The following TMEM154 variants were observed in gnomAD, a reference collection of about 807,000 sequenced individuals.
TMEM154 encodes transmembrane protein 154.
A neutral mutation model predicts 24.5 loss-of-function variants in TMEM154; 27 were observed. The observed-to-expected ratio is 1.10, with a 90% CI of 0.81 to 1.52. TMEM154 has a LOEUF of 1.52. Ranked by LOEUF, TMEM154 falls within the 40% of genes most tolerant of loss-of-function variation. The pLI is 0.00. For missense variants in TMEM154, 228 were observed against 213.4 expected (o/e 1.07, Z -0.43); for synonymous variants, 67 against 76.8 (o/e 0.87, Z 0.67).
rs1215129380 is a variant in TMEM154 at position 152,661,884 on chromosome 4, T to C, written c.65-8957A>G. ...CAGAAGTAACCACCGTTTCTGCTCC[T>C]TTGAGAGAAACTCTATGCATATACA... is the stretch of plus-strand genomic sequence containing the variant. On this transcript the variant is annotated intron_variant, in intron 1 of 6. Coordinates refer to ENST00000304385, the MANE Select transcript of TMEM154 (RefSeq NM_152680.3). Among the ~76,000 whole-genome samples, 7 of 152,346 alleles carry C rather than the reference T, an allele frequency of 4.6e-5. No individual in the cohort carries two copies. The East Asian group carries it at 9.6e-4, about 21-fold the overall frequency.
chr4:152,662,670 T>C (rs555113102), intron 1 of TMEM154, among the ~76,000 whole-genome samples: 34 of 152,266 alleles, frequency 2.2e-4, no homozygotes, highest in African/African-American at 7.7e-4. Flanking sequence ...CTTAATGCAG[T>C]GGACATGGGG....
chr4:152,677,374 A>G (rs1728971629), intron 1 of TMEM154, among the ~76,000 whole-genome samples: 1 of 152,236 alleles, frequency 6.6e-6, no homozygotes, highest in African/African-American at 2.4e-5. Flanking sequence ...ATCTCAGAGT[A>G]TACTCACAAA....
Position 152,640,492 on chromosome 4 carries a change from A to C in TMEM154, c.536+436T>G, listed in dbSNP as rs544533610. Among the ~76,000 whole-genome samples the C allele has an allele frequency of 9.2e-5, 14 of 152,326 alleles. 1 individual carries two copies. The South Asian group carries it at 2.5e-3, about 27-fold the overall frequency. On this transcript the variant is annotated intron_variant, in intron 6 of 6. Transcript: ENST00000304385. ...CTATCAACCAGAGCCACCTAGTGGT[A>C]AAATGGAACATTTTTTAAAAATTCC...
At position 152,674,728 on chromosome 4, in the gene TMEM154, G is replaced by A. The variant is rs986521953; in HGVS notation, c.64+5142C>T. 5.9e-5 allele frequency among the ~76,000 whole-genome samples: 9 copies of A among 152,276 alleles called. No individual in the cohort carries two copies. The South Asian group carries it at 8.3e-4, about 14-fold the overall frequency. Reference sequence around the variant, plus strand: ...TGATAACAAGGCTGGGGGTATATTCGAAAAGAATTGGGGCTTAGAGCACTT... The same window carrying A: ...TGATAACAAGGCTGGGGGTATATTCAAAAAGAATTGGGGCTTAGAGCACTT... On this transcript the variant is annotated intron_variant, in intron 1 of 6. Transcript: ENST00000304385.
At chr4:152,671,788 T>C (rs1413714293) in intron 1 of TMEM154, among the ~76,000 whole-genome samples, 1 of 138,158 alleles carries the variant, frequency 7.2e-6, no homozygotes, top group Admixed American at 7.2e-5. Context: ...ATAGCCTAGG[T>C]GAGAGCCCAC....
intron 1 of TMEM154, among the ~76,000 whole-genome samples, chr4:152,656,942 G>A (rs1728504101): frequency 6.6e-6 from 1 of 150,646 alleles, no homozygotes; most frequent in South Asian, 2.1e-4. Context: ...AACAATTCAG[G>A]GTATGAATGA....
chr4:152,640,898 C>T (rs1235317164), intron 6 of TMEM154, 30 bp downstream of exon 6: 4 of 860,772 alleles, frequency 4.6e-6, no homozygotes, highest in Non-Finnish European at 7.5e-6. Context: ...CCGCCATATA[C>T]ATGTAATCTG....
chr4:152,646,226 GTTCCCCACAGGC>G lies in TMEM154; in HGVS notation c.365-1796_365-1785del, dbSNP rs1238189571. ...GCATGGATATATCTTTATAATCCGG[GTTCCCCACAGGC>G]TTCAGGGTGAGCAAAAGCTAGCCTG... On this transcript the variant is annotated intron_variant, in intron 3 of 6. Transcript: ENST00000304385. 2.6e-5 allele frequency among the ~76,000 whole-genome samples: 4 copies of G among 152,168 alleles called. No individual in the cohort carries two copies. In the South Asian group the frequency reaches 8.3e-4, roughly 32 times the overall value.
Position 152,621,454 on chromosome 4 carries a change from T to C in TMEM154, c.*7092A>G, listed in dbSNP as rs1751842774. The C allele has an allele frequency of 6.6e-6, 1 of 152,210 alleles. No individual in the cohort carries two copies. The highest frequency in any genetic ancestry group is 1.5e-5 in the Non-Finnish European group (1 of 68,050). The allele number at this position is 152,210 out of a possible 1,614,324, so 9.4% of individuals were successfully genotyped here. On this transcript the variant is annotated 3_prime_UTR_variant, in exon 7 of 7. Coordinates refer to ENST00000304385, the MANE Select transcript of TMEM154 (RefSeq NM_152680.3). ...TCCCTAACTCTGTGGGACTGCATGC[T>C]CTTTGGGTCCATGCTGTCTCCAGTC...
At chr4:152,678,243 T>C (rs914703279) in intron 1 of TMEM154, among the ~76,000 whole-genome samples, 4 of 151,938 alleles carry the variant, frequency 2.6e-5, no homozygotes, top group African/African-American at 4.8e-5. Context: ...AGGGGGAAGA[T>C]GTGCACGATC....
At chr4:152,673,028 T>A (rs1748231684) in intron 1 of TMEM154, among the ~76,000 whole-genome samples, 1 of 152,206 alleles carries the variant, frequency 6.6e-6, no homozygotes, top group African/African-American at 2.4e-5. Context: ...TGGACTACCA[T>A]CTTTTTGCTG....
intron 6 of TMEM154, among the ~76,000 whole-genome samples, chr4:152,630,309 C>CAAA (rs56827457): frequency 0.77 from 70,697 of 91,280 alleles, 27,252 homozygotes; most frequent in South Asian, 0.9. Flanking sequence ...CACCCTGTCT[C>CAAA]AAAAAAAAAA....
At chr4:152,642,400 G>GA (rs966990205) in intron 5 of TMEM154, among the ~76,000 whole-genome samples, 3 of 151,892 alleles carry the variant, frequency 2.0e-5, no homozygotes, top group African/African-American at 7.3e-5. Flanking sequence ...AAGGGAATTT[G>GA]AAAAAGAAAA....
chr4:152,629,318 T>C (rs1751988507), intron 6 of TMEM154, among the ~76,000 whole-genome samples: 1 of 152,218 alleles, frequency 6.6e-6, no homozygotes, highest in Non-Finnish European at 1.5e-5. Flanking sequence ...AATAGCCCGT[T>C]TTGTTCATAC....
intron 3 of TMEM154, chr4:152,647,277 A>C: frequency 3.0e-6 from 3 of 985,322 alleles, no homozygotes; most frequent in Non-Finnish European, 3.6e-6. Flanking sequence ...TTTCTGTGGG[A>C]GCTTTCCAAG....
chr4:152,657,806 A>G (rs1728520454), intron 1 of TMEM154, among the ~76,000 whole-genome samples: 1 of 152,232 alleles, frequency 6.6e-6, no homozygotes, highest in East Asian at 1.9e-4. Context: ...ACAGGGTAAT[A>G]AAGTCAAAGG....
chr4:152,646,772 G>T, intron 3 of TMEM154: 1 of 590,834 alleles, frequency 1.7e-6, no homozygotes, highest in East Asian at 2.8e-5. Context: ...GTGGAGGCTA[G>T]GGGAGGGCAG....
At chr4:152,631,015 T>C (rs1281148017) in intron 6 of TMEM154, among the ~76,000 whole-genome samples, 4 of 152,204 alleles carry the variant, frequency 2.6e-5, no homozygotes, top group Non-Finnish European at 5.9e-5. Context: ...TTGTTAAACA[T>C]TTAGGCTACT....
At chr4:152,670,304 A>G (rs1728810786) in intron 1 of TMEM154, among the ~76,000 whole-genome samples, 1 of 152,164 alleles carries the variant, frequency 6.6e-6, no homozygotes, top group African/African-American at 2.4e-5. Flanking sequence ...AAGATTTGGG[A>G]GGCCGGGTGC....
Sources: allele counts gnomAD v4.1 joint callset (sites outside exome capture counted in the v4.1 genomes callset), GRCh38; gene constraint gnomAD v4.1.1; transcripts MANE v1.5; gene names NCBI Gene and HGNC (gene_info 2026-07-23, HGNC 2026-07-21).